Variants in HAO1 observed in about 807,000 individuals in gnomAD.
HAO1 encodes 2-Hydroxyacid oxidase 1.
Under a neutral mutation model 39.7 loss-of-function variants are expected in HAO1, and 34 were observed. The observed-to-expected ratio is 0.86, with a 90% confidence interval of 0.65 to 1.14. The LOEUF (loss-of-function observed/expected upper bound fraction) is 1.14. Ranked by LOEUF, HAO1 falls within the 50% of genes most tolerant of loss-of-function variation. HAO1 has a pLI of 0.00. For synonymous variants in HAO1, 172 were observed against 173.2 expected (o/e 0.99, Z 0.05); for missense variants, 479 against 464.5 (o/e 1.03, Z -0.29).
At chr20:7,927,960 A>G (rs1007987846) in intron 2 of HAO1, among the ~76,000 whole-genome samples, 1 of 152,196 alleles carries the variant, frequency 6.6e-6, no homozygotes, top group African/African-American at 2.4e-5. Flanking sequence ...TTGCACTCAC[A>G]TATTTTAAGA....
chr20:7,902,747 C>T (rs756058556), intron 4 of HAO1, among the ~76,000 whole-genome samples: 46 of 152,094 alleles, frequency 3.0e-4, no homozygotes, highest in Non-Finnish European at 2.5e-4. Context: ...GGCACCATGC[C>T]TTTGCTGAAA....
intron 4 of HAO1, among the ~76,000 whole-genome samples, chr20:7,898,981 CAA>C (rs1165342170): frequency 4.0e-5 from 6 of 151,044 alleles, no homozygotes; most frequent in African/African-American, 1.2e-4. Flanking sequence ...TAAACATAGA[CAA>C]TGGTATTTTT....
At chr20:7,924,130 G>T (rs929584425) in intron 2 of HAO1, among the ~76,000 whole-genome samples, 4 of 151,938 alleles carry the variant, frequency 2.6e-5, no homozygotes, top group Non-Finnish European at 4.4e-5. Context: ...AACTGTGTTC[G>T]CATAATGGCC....
chr20:7,924,650 T>C (rs2050350859), intron 2 of HAO1, among the ~76,000 whole-genome samples: 2 of 152,140 alleles, frequency 1.3e-5, no homozygotes, highest in Admixed American at 6.6e-5. Flanking sequence ...AACAATTAAG[T>C]AACATGTTAA....
At chr20:7,901,300 T>C (rs929215504) in intron 4 of HAO1, among the ~76,000 whole-genome samples, 7 of 152,166 alleles carry the variant, frequency 4.6e-5, no homozygotes, top group Non-Finnish European at 1.0e-4. Context: ...AAACAGGCTG[T>C]ATGGCATCTT....
intron 3 of HAO1, 139 bp downstream of exon 3, chr20:7,914,025 G>A: frequency 1.2e-6 from 1 of 863,634 alleles, no homozygotes; most frequent in East Asian, 2.6e-5. Flanking sequence ...CTCAAAAAAA[G>A]TGATGTCTAC....
chr20:7,935,528 G>A (rs1433270206), intron 1 of HAO1, among the ~76,000 whole-genome samples: 1 of 152,082 alleles, frequency 6.6e-6, no homozygotes, highest in African/African-American at 2.4e-5. Flanking sequence ...TTAGTTATAT[G>A]CCATATTCAT....
chr20:7,919,361 G>A (rs752004362), intron 2 of HAO1, among the ~76,000 whole-genome samples: 2 of 151,992 alleles, frequency 1.3e-5, no homozygotes, highest in African/African-American at 2.4e-5. Context: ...TCGTATGTTT[G>A]GCATTTCTTT....
Position 7,918,623 on chromosome 20 carries a change from G to A in HAO1, c.290-4204C>T, listed in dbSNP as rs564574317. Among the ~76,000 whole-genome samples, 3 of 152,252 alleles carry A rather than the reference G, an allele frequency of 2.0e-5. No individual in the cohort carries two copies. The East Asian group carries it at 5.8e-4, about 29-fold the overall frequency. ...AACATCAGTGCCGGCAGAGCGGGGG[G>A]CATCCACCCTGTTAGAGCGCTAGAG... On this transcript the variant is annotated intron_variant, in intron 2 of 7. Coordinates refer to ENST00000378789, the MANE Select transcript of HAO1 (RefSeq NM_017545.3).
intron 3 of HAO1, among the ~76,000 whole-genome samples, chr20:7,909,381 A>ATATATATATATATT: frequency 1.4e-5 from 1 of 72,966 alleles, no homozygotes; most frequent in South Asian, 4.6e-4. Context: ...ATATATATGT[A>ATATATATATATATT]TATATATATA....
intron 2 of HAO1, among the ~76,000 whole-genome samples, chr20:7,914,856 C>T (rs190555125): frequency 1.3e-5 from 2 of 152,172 alleles, no homozygotes; most frequent in Non-Finnish European, 2.9e-5. Flanking sequence ...CAGTGGCTCA[C>T]GCCTGTAATC....
At chr20:7,934,798 G>A (rs2050402667) in intron 1 of HAO1, among the ~76,000 whole-genome samples, 163 bp from the exon 2 acceptor site, 1 of 152,126 alleles carries the variant, frequency 6.6e-6, no homozygotes, top group African/African-American at 2.4e-5. Flanking sequence ...TTTACTGTTT[G>A]TTTGGTTAGA....
rs1316214892 is a variant in HAO1 at position 7,903,368 on chromosome 20, G to A, written c.721+2786C>T. Reference sequence around the variant, plus strand: ...AAGAAGTTCAGTAAATAAATATTTGGGCTATCTACTATGTGTAAAATGTCA... The same window carrying A: ...AAGAAGTTCAGTAAATAAATATTTGAGCTATCTACTATGTGTAAAATGTCA... On this transcript the variant is annotated intron_variant, in intron 4 of 7. Coordinates refer to ENST00000378789, the MANE Select transcript of HAO1 (RefSeq NM_017545.3). 2.0e-5 allele frequency among the ~76,000 whole-genome samples: 3 copies of A among 151,452 alleles called. No homozygotes were observed. In the East Asian group the frequency reaches 5.8e-4, roughly 29 times the overall value.
intron 2 of HAO1, among the ~76,000 whole-genome samples, chr20:7,933,924 T>C (rs2050397906): frequency 1.3e-5 from 2 of 152,124 alleles, no homozygotes. Context: ...AACTCATCCA[T>C]AAAAAAGAAT....
chr20:7,897,134 AAGACATC>A (rs1161715229), intron 4 of HAO1, among the ~76,000 whole-genome samples: 5 of 152,196 alleles, frequency 3.3e-5, no homozygotes, highest in African/African-American at 1.2e-4. Flanking sequence ...CAGAACCTTA[AAGACATC>A]AGTCCATTGT....
intron 1 of HAO1, among the ~76,000 whole-genome samples, chr20:7,937,050 C>T (rs1332638444): frequency 6.6e-6 from 1 of 151,988 alleles, no homozygotes; most frequent in Non-Finnish European, 1.5e-5. Flanking sequence ...AATAATAAAC[C>T]GTTTTCAAAG....
intron 2 of HAO1, among the ~76,000 whole-genome samples, chr20:7,920,739 G>T (rs1042399227): frequency 2.0e-5 from 3 of 152,028 alleles, no homozygotes; most frequent in Non-Finnish European, 2.9e-5. Context: ...GTATTCCTTT[G>T]TGTACATACA....
intron 2 of HAO1, among the ~76,000 whole-genome samples, chr20:7,921,028 G>T (rs2050328786): frequency 6.6e-6 from 1 of 151,164 alleles, no homozygotes; most frequent in Non-Finnish European, 1.5e-5. Context: ...GAAAATATTT[G>T]TAAAGTGTAT....
chr20:7,940,275 A>C lies in HAO1; in HGVS notation c.137+11T>G, dbSNP rs775475199. ...TTTTAAAACATGATTTTAAAAAATA[A>C]ATTTTCTTACCTGGAAAATGCTGCA... On this transcript the variant is annotated intron_variant, in intron 1 of 7. Coordinates refer to ENST00000378789, the MANE Select transcript of HAO1 (RefSeq NM_017545.3). 1.3e-6 allele frequency: 2 copies of C among 1,587,952 alleles called. No individual in the cohort carries two copies. The highest frequency in any genetic ancestry group is 1.7e-6 in the Non-Finnish European group (2 of 1,170,804).
Sources: allele counts gnomAD v4.1 joint callset (sites outside exome capture counted in the v4.1 genomes callset), GRCh38; gene constraint gnomAD v4.1.1; transcripts MANE v1.5; gene names NCBI Gene and HGNC (gene_info 2026-07-23, HGNC 2026-07-21).